Variants in NLGN1 observed in about 807,000 individuals in gnomAD.
NLGN1 encodes the protein neuroligin-1.
Under a neutral mutation model 65.5 loss-of-function variants are expected in NLGN1, and 12 were observed. The observed-to-expected ratio is 0.18, with a 90% confidence interval of 0.12 to 0.30. The LOEUF is 0.30. Among genes scored for constraint, NLGN1 ranks in the 10% least tolerant of loss-of-function variants. NLGN1 has a pLI of 1.00. For missense variants in NLGN1, 750 were observed against 1,007.1 expected, an observed-to-expected ratio of 0.74 and a Z score of 3.46; for synonymous variants, 350 against 359.5, an observed-to-expected ratio of 0.97 and a Z score of 0.30.
At chr3:173,827,497 T>G (rs1232578601) in intron 4 of NLGN1, among the ~76,000 whole-genome samples, 1 of 151,694 alleles carries the variant, frequency 6.6e-6, no homozygotes, top group African/African-American at 2.4e-5. Context: ...TAGCAGCACA[T>G]CAATAGCACA....
At chr3:174,107,029 G>C (rs1050625282) in intron 4 of NLGN1, among the ~76,000 whole-genome samples, 210 of 144,926 alleles carry the variant, frequency 1.4e-3, no homozygotes, top group African/African-American at 5.6e-3. Context: ...GAGAGAGAGA[G>C]AGAGAGAGAG....
upstream of NLGN1, chr3:173,396,744 C>G (rs1476964147): frequency 6.6e-6 from 1 of 152,200 alleles, no homozygotes; most frequent in African/African-American, 2.4e-5. Flanking sequence ...ACCTTAATCC[C>G]GGGGATTGCC....
intron 4 of NLGN1, among the ~76,000 whole-genome samples, chr3:173,964,666 T>C (rs544690505): frequency 1.1e-4 from 17 of 152,312 alleles, no homozygotes; most frequent in Non-Finnish European, 1.9e-4. Context: ...ATGAATCAAA[T>C]GTAATTTTGA....
chr3:174,088,487 T>G (rs1326389146), intron 4 of NLGN1, among the ~76,000 whole-genome samples: 1 of 152,070 alleles, frequency 6.6e-6, no homozygotes, highest in Non-Finnish European at 1.5e-5. Flanking sequence ...CTGGGCACGG[T>G]GACTCACGCC....
intron 4 of NLGN1, among the ~76,000 whole-genome samples, chr3:174,253,215 T>C (rs1745084718): frequency 1.3e-5 from 2 of 152,226 alleles, no homozygotes; most frequent in South Asian, 4.1e-4. Context: ...TCTGTACTTG[T>C]ATACTTTTTG....
intron 2 of NLGN1, among the ~76,000 whole-genome samples, chr3:173,500,060 T>G (rs1405075197): frequency 6.6e-6 from 1 of 152,150 alleles, no homozygotes; most frequent in Non-Finnish European, 1.5e-5. Context: ...TCCTGCCTGA[T>G]TGCCCTGGCT....
rs114628123 is a variant in NLGN1 at position 174,155,139 on chromosome 3, T to C, written c.647-120176T>C. ...ATGCTTTTGTTACACAGTTGAGAGA[T>C]CTAAAGCCCATCATTTTAACATCAA... On this transcript the variant is annotated intron_variant, in intron 4 of 6. Transcript: ENST00000457714. Among the ~76,000 whole-genome samples, 1,222 of 149,856 alleles carry C rather than the reference T, an allele frequency of 8.2e-3. 9 individuals carry two copies. The highest frequency in any genetic ancestry group is 0.012 in the Admixed American group (182 of 14,844).
At chr3:174,170,642 A>G (rs1026404823) in intron 4 of NLGN1, among the ~76,000 whole-genome samples, 1 of 152,236 alleles carries the variant, frequency 6.6e-6, no homozygotes. Context: ...AGCTACCAAA[A>G]TGCTCTTGGT....
intron 3 of NLGN1, among the ~76,000 whole-genome samples, chr3:173,745,196 C>G (rs901820807): frequency 2.6e-5 from 4 of 151,992 alleles, no homozygotes; most frequent in African/African-American, 9.7e-5. Context: ...CTCAGAGATG[C>G]CTTGCTTGTG....
At chr3:174,202,915 A>G (rs1734748542) in intron 4 of NLGN1, 1 of 152,216 alleles carries the variant, frequency 6.6e-6, no homozygotes, top group African/African-American at 2.4e-5. Flanking sequence ...TTGTTGGTCA[A>G]GTGAATTGCC....
intron 4 of NLGN1, among the ~76,000 whole-genome samples, chr3:174,135,696 A>G (rs569901445): frequency 2.0e-5 from 3 of 152,288 alleles, no homozygotes; most frequent in Admixed American, 6.5e-5. Flanking sequence ...CAGTGCTGGA[A>G]TCGTCACTGT....
intron 3 of NLGN1, among the ~76,000 whole-genome samples, chr3:173,793,486 G>C (rs547837530): frequency 8.5e-5 from 13 of 152,246 alleles, no homozygotes; most frequent in African/African-American, 2.9e-4. Flanking sequence ...TGAGATGTTG[G>C]TGAGACATCC....
chr3:173,838,323 C>T (rs1298804109), intron 4 of NLGN1, among the ~76,000 whole-genome samples: 6 of 151,946 alleles, frequency 3.9e-5, no homozygotes, highest in Non-Finnish European at 7.4e-5. Context: ...GATATGATAA[C>T]CAAATTTTTG....
chr3:173,776,510 G>A (rs931142650), intron 3 of NLGN1, among the ~76,000 whole-genome samples: 1 of 151,970 alleles, frequency 6.6e-6, no homozygotes, highest in Non-Finnish European at 1.5e-5. Flanking sequence ...TCAACTTGTT[G>A]TGGTGTTGAC....
intron 4 of NLGN1, among the ~76,000 whole-genome samples, chr3:173,929,122 A>G (rs4894636): frequency 0.27 from 40,541 of 152,082 alleles, 5,994 homozygotes; most frequent in African/African-American, 0.38. Context: ...TATCAACTGG[A>G]AAAATTAGAT....
At chr3:174,017,334 C>G (rs1356849123) in intron 4 of NLGN1, among the ~76,000 whole-genome samples, 1 of 152,056 alleles carries the variant, frequency 6.6e-6, no homozygotes, top group African/African-American at 2.4e-5. Flanking sequence ...TATTCAAAGC[C>G]AGGTGTATGA....
chr3:173,494,758 C>G (rs1729732730), intron 2 of NLGN1, among the ~76,000 whole-genome samples: 1 of 151,774 alleles, frequency 6.6e-6, no homozygotes, highest in Admixed American at 6.6e-5. Context: ...TGTTGTTACT[C>G]TAGCACCATT....
intron 1 of NLGN1, among the ~76,000 whole-genome samples, chr3:173,401,655 G>A (rs570356288): frequency 2.0e-5 from 3 of 152,140 alleles, no homozygotes; most frequent in South Asian, 2.1e-4. Flanking sequence ...TAGATTTTTA[G>A]GGTGACATTT....
chr3:173,639,225 G>C (rs1004804995), intron 3 of NLGN1, among the ~76,000 whole-genome samples: 8 of 152,228 alleles, frequency 5.3e-5, no homozygotes, highest in Admixed American at 3.9e-4. Flanking sequence ...TTCTGGCTCA[G>C]TTAAGGCTGC....
Sources: gnomAD v4.1 joint callset for allele counts (sites outside exome capture counted in the v4.1 genomes callset) on GRCh38, gnomAD v4.1.1 for gene constraint, MANE v1.5 for transcripts, NCBI Gene and HGNC (gene_info 2026-07-23, HGNC 2026-07-21) for gene names.